The following EYA1 variants were observed in gnomAD, a reference collection of about 807,000 sequenced individuals.
EYA1 encodes the protein EYA transcriptional coactivator and phosphatase 1.
Under a neutral mutation model 82.0 loss-of-function variants are expected in EYA1, and 16 were observed. The observed-to-expected ratio is 0.20, with a 90% CI of 0.13 to 0.30. The LOEUF (loss-of-function observed/expected upper bound fraction) is 0.30. Among genes scored for constraint, EYA1 ranks in the 10% least tolerant of loss-of-function variants. EYA1 has a pLI of 1.00. For synonymous variants in EYA1, 261 were observed against 264.4 expected, an observed-to-expected ratio of 0.99 and a Z score of 0.12; for missense variants, 633 against 730.7, an observed-to-expected ratio of 0.87 and a Z score of 1.54.
intron 9 of EYA1, among the ~76,000 whole-genome samples, chr8:71,290,074 T>G (rs958965969): frequency 1.3e-5 from 2 of 152,208 alleles, no homozygotes; most frequent in African/African-American, 4.8e-5. Context: ...CTTTATAATT[T>G]TGTCCCATGT....
intron 2 of EYA1, among the ~76,000 whole-genome samples, chr8:71,393,262 ATTTC>A (rs1829382308): frequency 6.6e-6 from 1 of 152,012 alleles, no homozygotes; most frequent in Non-Finnish European, 1.5e-5. Context: ...TATCTGTATT[ATTTC>A]TTATAATTGC....
At chr8:71,251,115 T>C (rs948616155) in intron 11 of EYA1, among the ~76,000 whole-genome samples, 1 of 152,342 alleles carries the variant, frequency 6.6e-6, no homozygotes, top group Non-Finnish European at 1.5e-5. Context: ...TTCTATTTAA[T>C]GAAGTGGATA....
At chr8:71,405,124 C>T (rs1042348352) in intron 2 of EYA1, among the ~76,000 whole-genome samples, 8 of 152,128 alleles carry the variant, frequency 5.3e-5, no homozygotes, top group Middle Eastern at 3.4e-3. Context: ...TCATATTACA[C>T]GTTCCAGAAA....
intron 3 of EYA1, among the ~76,000 whole-genome samples, chr8:71,335,643 T>C (rs900229106): frequency 2.0e-5 from 3 of 152,184 alleles, no homozygotes; most frequent in African/African-American, 7.2e-5. Context: ...TAAGCCTGTA[T>C]TTCCCTTCCC....
At chr8:71,275,579 G>A (rs1169290320) in intron 9 of EYA1, among the ~76,000 whole-genome samples, 1 of 152,160 alleles carries the variant, frequency 6.6e-6, no homozygotes, top group Non-Finnish European at 1.5e-5. Context: ...CAGAAAGACA[G>A]GTGAGGTTTG....
intron 2 of EYA1, among the ~76,000 whole-genome samples, chr8:71,398,378 T>G (rs939174331): frequency 6.6e-6 from 1 of 152,216 alleles, no homozygotes; most frequent in East Asian, 1.9e-4. Flanking sequence ...GGCACTCTGA[T>G]TTTTAGAATT....
rs995872359 is a variant in EYA1 at position 71,199,224 on chromosome 8, G to A, written c.*116C>T. The A allele has an allele frequency of 8.1e-6, 6 of 739,002 alleles. No homozygotes were observed. Among genetic ancestry groups the A allele is most frequent in the African/African-American group, 5.2e-5 (3 of 57,830 alleles). The allele number at this position is 739,002 out of a possible 1,614,324, so 45.8% of individuals were successfully genotyped here. ...AGAGGTCAAGACTGACAGCAACTGC[G>A]CATCACCAGGCGGAAATTGCTAAGT... On this transcript the variant is annotated 3_prime_UTR_variant, in exon 18 of 18. Transcript: ENST00000340726.
chr8:71,274,507 T>A (rs1280369294), intron 9 of EYA1, among the ~76,000 whole-genome samples: 1 of 152,124 alleles, frequency 6.6e-6, no homozygotes. Flanking sequence ...TGAAAATACT[T>A]TGGAGGGCAT....
intron 2 of EYA1, among the ~76,000 whole-genome samples, chr8:71,460,941 C>A (rs1808313520): frequency 1.3e-5 from 2 of 152,126 alleles, no homozygotes; most frequent in Admixed American, 1.3e-4. Context: ...AATCAAAGAA[C>A]TTGAAAGTTT....
In EYA1 at chr8:71,414,059, G is replaced by A. The variant is rs191715521; in HGVS notation, c.34-57548C>T. Among the ~76,000 whole-genome samples the A allele has an allele frequency of 2.0e-3, 301 of 152,280 alleles. 1 individual carries two copies. The highest frequency in any genetic ancestry group is 3.4e-3 in the Middle Eastern group (1 of 294). ...AGCAGACAAAGAGGTTAATGGCAAG[G>A]CAACCTCCAGGAAGCTTCAGCTGCC... is the stretch of plus-strand genomic sequence containing the variant. On this transcript the variant is annotated intron_variant, in intron 2 of 18. Transcript: ENST00000643681.
chr8:71,429,688 T>C (rs956838159), intron 2 of EYA1, among the ~76,000 whole-genome samples: 1 of 152,054 alleles, frequency 6.6e-6, no homozygotes, highest in Non-Finnish European at 1.5e-5. Context: ...GAGACAGAGG[T>C]TATGAGCCCA....
At chr8:71,450,674 T>C (rs925656623) in intron 2 of EYA1, among the ~76,000 whole-genome samples, 3 of 152,162 alleles carry the variant, frequency 2.0e-5, no homozygotes, top group Non-Finnish European at 2.9e-5. Context: ...GAGGCAGGCT[T>C]GCCACAAACC....
At chr8:71,448,025 T>C in intron 2 of EYA1, among the ~76,000 whole-genome samples, 1 of 116,740 alleles carries the variant, frequency 8.6e-6, no homozygotes, top group South Asian at 2.8e-4. Context: ...TTTTTTTTTT[T>C]TCTCGCTCCG....
At chr8:71,221,710 C>T (rs1350274508) in intron 12 of EYA1, among the ~76,000 whole-genome samples, 1 of 152,158 alleles carries the variant, frequency 6.6e-6, no homozygotes, top group Non-Finnish European at 1.5e-5. Context: ...GATAAATTGG[C>T]AGCCAATGCC....
chr8:71,442,591 TC>T, intron 2 of EYA1, among the ~76,000 whole-genome samples: 1 of 152,344 alleles, frequency 6.6e-6, no homozygotes, highest in Non-Finnish European at 1.5e-5. Flanking sequence ...CTGGCATCCA[TC>T]AAAACTTCTG....
At chr8:71,477,446 G>T (rs1373397704) in intron 2 of EYA1, among the ~76,000 whole-genome samples, 1 of 151,862 alleles carries the variant, frequency 6.6e-6, no homozygotes, top group Non-Finnish European at 1.5e-5. Context: ...TACACAAATG[G>T]TCACATGAAA....
intron 2 of EYA1, among the ~76,000 whole-genome samples, chr8:71,530,359 A>G (rs1814166316): frequency 6.6e-6 from 1 of 152,226 alleles, no homozygotes. Context: ...TTGGACTTCT[A>G]GCCTCTAGAA....
intron 12 of EYA1, among the ~76,000 whole-genome samples, chr8:71,223,408 A>ATATTTTACT (rs1810181058): frequency 1.3e-5 from 2 of 152,184 alleles, no homozygotes; most frequent in African/African-American, 4.8e-5. Flanking sequence ...ATATGACACC[A>ATATTTTACT]CCTGTGCTTC....
At chr8:71,444,324 T>TG (rs1337388409) in intron 2 of EYA1, among the ~76,000 whole-genome samples, 2 of 151,994 alleles carry the variant, frequency 1.3e-5, no homozygotes, top group Non-Finnish European at 2.9e-5. Context: ...GAAAGACATG[T>TG]GGGGACACAG....
Sources: allele counts gnomAD v4.1 joint callset (sites outside exome capture counted in the v4.1 genomes callset), GRCh38; gene constraint gnomAD v4.1.1; transcripts MANE v1.5; gene names NCBI Gene and HGNC (gene_info 2026-07-23, HGNC 2026-07-21).